Variants in NEGR1 observed in about 807,000 individuals in gnomAD.
The protein encoded by NEGR1 is IgLON family member 4.
NEGR1 carries 10 observed loss-of-function variants against 40.9 expected under a neutral mutation model. The ratio of observed to expected loss-of-function variants is 0.24; its 90% CI spans 0.15 to 0.42. The LOEUF (loss-of-function observed/expected upper bound fraction) is 0.42. Ranked by LOEUF, NEGR1 falls within the 10% of genes least tolerant of loss-of-function variation. NEGR1 has a pLI of 1.00. For synonymous variants in NEGR1, 185 were observed against 166.8 expected (o/e 1.11, Z -0.84); for missense variants, 352 against 438.9 (o/e 0.80, Z 1.77).
intron 6 of NEGR1, among the ~76,000 whole-genome samples, chr1:71,418,382 C>T (rs758013941): frequency 5.3e-5 from 8 of 151,742 alleles, no homozygotes; most frequent in Admixed American, 1.3e-4. Flanking sequence ...GGGGCAATCT[C>T]GGCTCACTGC....
chr1:71,896,067 T>C (rs1660965050), intron 2 of NEGR1, among the ~76,000 whole-genome samples: 2 of 144,882 alleles, frequency 1.4e-5, no homozygotes, highest in Non-Finnish European at 3.0e-5. Flanking sequence ...TGAGACAGTC[T>C]GACTCTGTGG....
intron 4 of NEGR1, among the ~76,000 whole-genome samples, chr1:71,625,676 T>A (rs1427937424): frequency 6.6e-6 from 1 of 151,354 alleles, no homozygotes; most frequent in African/African-American, 2.4e-5. Context: ...TTTCTATATT[T>A]TATATATATT....
At chr1:71,931,575 G>A (rs1282799836) in intron 2 of NEGR1, among the ~76,000 whole-genome samples, 49 of 152,038 alleles carry the variant, frequency 3.2e-4, no homozygotes, top group Admixed American at 3.2e-3. Flanking sequence ...AAAGCAAGAG[G>A]GGGCCTAACT....
intron 1 of NEGR1, among the ~76,000 whole-genome samples, chr1:72,265,140 C>T (rs1401584643): frequency 6.6e-6 from 1 of 150,752 alleles, no homozygotes. Flanking sequence ...TTTTCTCTAG[C>T]CTACACTTAC....
intron 1 of NEGR1, among the ~76,000 whole-genome samples, chr1:72,147,176 G>C (rs1407269708): frequency 4.6e-5 from 7 of 152,112 alleles, no homozygotes; most frequent in Admixed American, 4.6e-4. Flanking sequence ...ATGTATATGT[G>C]TTCATTTATT....
chr1:72,128,480 A>G (rs1650114507), intron 1 of NEGR1, among the ~76,000 whole-genome samples: 1 of 152,200 alleles, frequency 6.6e-6, no homozygotes, highest in South Asian at 2.1e-4. Flanking sequence ...TTGAAACACA[A>G]TAATAGATAA....
In NEGR1 at chr1:71,911,872, T is replaced by C. The variant is rs898371943; in HGVS notation, c.409+23207A>G. Among the ~76,000 whole-genome samples the C allele has an allele frequency of 5.9e-5, 9 of 152,306 alleles. No homozygotes were observed. The East Asian group carries it at 1.3e-3, about 23-fold the overall frequency. The stretch of plus-strand genomic sequence containing the variant: ...TTTCTATTGGTATCATTATGCATAA[T>C]TTGCTAACCTACAAGAGTCTACCAC... On this transcript the variant is annotated intron_variant, in intron 2 of 6. Coordinates refer to ENST00000357731, the MANE Select transcript of NEGR1 (RefSeq NM_173808.3).
intron 3 of NEGR1, among the ~76,000 whole-genome samples, chr1:71,725,987 A>G (rs1483269565): frequency 2.0e-5 from 3 of 152,124 alleles, no homozygotes; most frequent in Non-Finnish European, 2.9e-5. Context: ...ATCCTCAACA[A>G]GTGGACATGT....
chr1:72,177,988 T>C (rs1026623111), intron 1 of NEGR1, among the ~76,000 whole-genome samples: 1 of 152,040 alleles, frequency 6.6e-6, no homozygotes, highest in East Asian at 1.9e-4. Context: ...GTCTAGAATC[T>C]CAAGGGCTTA....
chr1:71,720,181 C>A (rs867544168), intron 3 of NEGR1, among the ~76,000 whole-genome samples: 2 of 152,166 alleles, frequency 1.3e-5, no homozygotes, highest in Non-Finnish European at 2.9e-5. Flanking sequence ...GCGTTATCAA[C>A]ACTTTCCATT....
intron 1 of NEGR1, among the ~76,000 whole-genome samples, chr1:71,981,230 T>C (rs1646351790): frequency 6.6e-6 from 1 of 152,116 alleles, no homozygotes; most frequent in African/African-American, 2.4e-5. Context: ...TCTCATTCTT[T>C]GAGAGTTGGT....
chr1:71,522,441 C>CA (rs1341075668), intron 6 of NEGR1, among the ~76,000 whole-genome samples: 1 of 151,654 alleles, frequency 6.6e-6, no homozygotes, highest in East Asian at 1.9e-4. Context: ...ATTTTAAAAT[C>CA]AGAGTAATCC....
chr1:71,442,264 A>G (rs529448430), intron 6 of NEGR1, among the ~76,000 whole-genome samples: 1 of 92,878 alleles, frequency 1.1e-5, no homozygotes, highest in East Asian at 3.2e-4. Context: ...TGGATTTCAA[A>G]TGTTTCTTCT....
rs113454820 is a variant in NEGR1 at position 71,780,009 on chromosome 1, C to T, written c.410-3712G>A. ...AGAAGGGTTTTGGATGGTCCCAGGG[C>T]GCATCGTGCTAAGCACTTGCATAGG... On this transcript the variant is annotated intron_variant, in intron 2 of 6. Transcript: ENST00000357731. 6.5e-3 allele frequency among the ~76,000 whole-genome samples: 810 copies of T among 123,842 alleles called. 2 individuals are homozygous for T. The highest frequency in any genetic ancestry group is 0.023 in the Middle Eastern group (3 of 132). 81.2% of individuals were successfully genotyped at this position (123,842 alleles called of 152,430 possible). A position where few individuals can be genotyped will look rare whatever the true frequency, so the allele number is the denominator to read the frequency against.
chr1:71,525,796 G>A (rs182120055), intron 6 of NEGR1, among the ~76,000 whole-genome samples: 211 of 151,644 alleles, frequency 1.4e-3, no homozygotes, highest in Non-Finnish European at 2.6e-3. Flanking sequence ...TCTGTTTTAT[G>A]TATATAAAAC....
At chr1:72,031,387 A>G (rs1350092091) in intron 1 of NEGR1, among the ~76,000 whole-genome samples, 2 of 152,160 alleles carry the variant, frequency 1.3e-5, no homozygotes. Flanking sequence ...GTGCCATTCC[A>G]CTTTTACTTA....
At chr1:72,056,982 C>G (rs1336566827) in intron 1 of NEGR1, among the ~76,000 whole-genome samples, 1 of 151,508 alleles carries the variant, frequency 6.6e-6, no homozygotes, top group Non-Finnish European at 1.5e-5. Context: ...TGCACTGATG[C>G]AAAGCCATTT....
At chr1:71,411,747 C>T (rs1169734545) in intron 6 of NEGR1, among the ~76,000 whole-genome samples, 2 of 152,110 alleles carry the variant, frequency 1.3e-5, no homozygotes, top group African/African-American at 4.8e-5. Context: ...TGCCTGTACT[C>T]CCAGCACTTT....
intron 1 of NEGR1, among the ~76,000 whole-genome samples, chr1:72,116,739 C>T (rs1419684684): frequency 1.3e-5 from 2 of 151,760 alleles, no homozygotes; most frequent in Admixed American, 6.6e-5. Flanking sequence ...GCATTTAACA[C>T]TTAAAGTTTT....
Sources: allele counts gnomAD v4.1 joint callset (sites outside exome capture counted in the v4.1 genomes callset), GRCh38; gene constraint gnomAD v4.1.1; transcripts MANE v1.5; gene names NCBI Gene and HGNC (gene_info 2026-07-23, HGNC 2026-07-21).